The following ANKS1B variants were observed in gnomAD, a reference collection of about 807,000 sequenced individuals.
ANKS1B encodes the protein ankyrin repeat and sterile alpha motif domain-containing protein 1B.
In ANKS1B, 36 loss-of-function variants were observed where a neutral mutation model predicts 148.3. The ratio of observed to expected loss-of-function variants is 0.24; its 90% CI spans 0.19 to 0.32. The LOEUF is 0.32. Ranked by LOEUF, ANKS1B falls within the 10% of genes least tolerant of loss-of-function variation. The pLI is 1.00. For missense variants in ANKS1B, 1,157 were observed against 1,542.6 expected, an observed-to-expected ratio of 0.75 and a Z score of 4.19; for synonymous variants, 542 against 560.8, an observed-to-expected ratio of 0.97 and a Z score of 0.47.
At position 99,812,554 on chromosome 12, in the gene ANKS1B, CACACAG is replaced by C. The variant is rs1260174950; in HGVS notation, c.216-249_216-244del. 9.6e-3 allele frequency among the ~76,000 whole-genome samples: 969 copies of C among 100,576 alleles called. 3 individuals are homozygous for C. Among genetic ancestry groups the C allele is most frequent in the Non-Finnish European group, 0.014 (704 of 50,722 alleles). 66.0% of individuals were successfully genotyped at this position (100,576 alleles called of 152,430 possible). On this transcript the variant is annotated intron_variant, in intron 2 of 26. Transcript: ENST00000683438. ...ACACACACACACACACACACACACA[CACACAG>C]AGAGAGAGAGAGAGAGAAAGAGAGC...
At chr12:99,492,199 A>G (rs1282179928) in intron 10 of ANKS1B, among the ~76,000 whole-genome samples, 3 of 152,154 alleles carry the variant, frequency 2.0e-5, no homozygotes, top group Non-Finnish European at 4.4e-5. Flanking sequence ...AATAAACACA[A>G]TCAGACATGA....
intron 9 of ANKS1B, among the ~76,000 whole-genome samples, chr12:99,643,033 G>A (rs772535882): frequency 2.0e-5 from 3 of 152,014 alleles, no homozygotes; most frequent in Non-Finnish European, 4.4e-5. Context: ...AGATCCTTTA[G>A]TTAACAATAT....
intron 1 of ANKS1B, among the ~76,000 whole-genome samples, chr12:99,837,636 A>G (rs1322412988): frequency 2.6e-5 from 4 of 152,194 alleles, no homozygotes; most frequent in Non-Finnish European, 5.9e-5. Flanking sequence ...CAGAAAAGTA[A>G]TTTATCAAAG....
intron 17 of ANKS1B, among the ~76,000 whole-genome samples, chr12:98,990,985 G>A (rs953596301): frequency 6.6e-6 from 1 of 152,350 alleles, no homozygotes; most frequent in East Asian, 1.9e-4. Flanking sequence ...ATTTGAATAA[G>A]TGATAGAGGA....
chr12:99,686,151 A>T (rs1186066608), intron 8 of ANKS1B, among the ~76,000 whole-genome samples: 1 of 152,160 alleles, frequency 6.6e-6, no homozygotes, highest in African/African-American at 2.4e-5. Context: ...TAGTAATTTT[A>T]AAAATAAGCA....
intron 9 of ANKS1B, among the ~76,000 whole-genome samples, chr12:99,575,756 T>G (rs2097512212): frequency 6.6e-6 from 1 of 151,948 alleles, no homozygotes; most frequent in African/African-American, 2.4e-5. Context: ...GAGATTTGGG[T>G]GGGGACACCC....
chr12:98,795,937 T>C (rs931364142), intron 22 of ANKS1B, among the ~76,000 whole-genome samples: 2 of 152,202 alleles, frequency 1.3e-5, no homozygotes, highest in African/African-American at 4.8e-5. Context: ...CATAATTCAG[T>C]TGTGCAGGGC....
intron 4 of ANKS1B, among the ~76,000 whole-genome samples, chr12:99,801,762 T>C (rs1229828011): frequency 1.1e-4 from 16 of 151,998 alleles, no homozygotes; most frequent in Admixed American, 9.8e-4. Flanking sequence ...AGACAGAAAA[T>C]ATTTGTCAGA....
chr12:99,828,606 CAA>C (rs2153686165), intron 1 of ANKS1B, among the ~76,000 whole-genome samples: 1 of 151,794 alleles, frequency 6.6e-6, no homozygotes, highest in East Asian at 1.9e-4. Context: ...AAGAAATTTT[CAA>C]AAACAGTTAT....
intron 26 of ANKS1B, among the ~76,000 whole-genome samples, chr12:98,748,495 C>T (rs1424628780): frequency 6.6e-6 from 1 of 152,214 alleles, no homozygotes; most frequent in African/African-American, 2.4e-5. Context: ...TCCTAGCTGC[C>T]TGCTCTTCTC....
intron 16 of ANKS1B, among the ~76,000 whole-genome samples, chr12:99,076,118 A>G (rs548408887): frequency 6.6e-6 from 1 of 152,218 alleles, no homozygotes; most frequent in Non-Finnish European, 1.5e-5. Flanking sequence ...TATTTTCAGA[A>G]TGAATGAATA....
chr12:99,936,921 A>AT (rs2094790353), intron 1 of ANKS1B, among the ~76,000 whole-genome samples: 1 of 152,188 alleles, frequency 6.6e-6, no homozygotes, highest in Admixed American at 6.5e-5. Context: ...ATGACTATAG[A>AT]TTTTTTAAAG....
chr12:99,232,017 G>T (rs1333258802), intron 14 of ANKS1B, among the ~76,000 whole-genome samples: 1 of 152,092 alleles, frequency 6.6e-6, no homozygotes, highest in Non-Finnish European at 1.5e-5. Flanking sequence ...CTCTGCTGCG[G>T]TGAGGGACTC....
intron 1 of ANKS1B, among the ~76,000 whole-genome samples, chr12:99,930,014 GT>G (rs1438197185): frequency 6.6e-6 from 1 of 152,168 alleles, no homozygotes; most frequent in African/African-American, 2.4e-5. Context: ...CTTTAAAGTA[GT>G]TTTTTCCAAT....
chr12:98,914,058 C>T (rs182028107), intron 17 of ANKS1B, among the ~76,000 whole-genome samples: 27 of 152,230 alleles, frequency 1.8e-4, no homozygotes, highest in African/African-American at 2.4e-4. Flanking sequence ...TCAAATATCA[C>T]GCTGAATTGT....
At chr12:98,994,879 C>T (rs2099928595) in intron 17 of ANKS1B, among the ~76,000 whole-genome samples, 1 of 152,168 alleles carries the variant, frequency 6.6e-6, no homozygotes, top group Non-Finnish European at 1.5e-5. Context: ...TCTCCAAATA[C>T]AGTCACATTC....
At chr12:99,054,093 T>C (rs892966776) in intron 16 of ANKS1B, among the ~76,000 whole-genome samples, 3 of 152,188 alleles carry the variant, frequency 2.0e-5, no homozygotes, top group African/African-American at 4.8e-5. Context: ...TAGCTTTTAT[T>C]TGAAATTGTA....
intron 15 of ANKS1B, among the ~76,000 whole-genome samples, chr12:99,124,604 C>T (rs921680445): frequency 3.3e-5 from 5 of 152,002 alleles, no homozygotes; most frequent in Non-Finnish European, 7.4e-5. Context: ...TAAGAGTCAT[C>T]AGTTTATAGA....
At chr12:99,166,580 C>T (rs1477256849) in intron 14 of ANKS1B, among the ~76,000 whole-genome samples, 1 of 151,834 alleles carries the variant, frequency 6.6e-6, no homozygotes, top group Non-Finnish European at 1.5e-5. Context: ...TGTGTCAAGA[C>T]CAATTAAATA....
Sources: allele counts gnomAD v4.1 joint callset (sites outside exome capture counted in the v4.1 genomes callset), GRCh38; gene constraint gnomAD v4.1.1; transcripts MANE v1.5; gene names NCBI Gene and HGNC (gene_info 2026-07-23, HGNC 2026-07-21).